TRIM36: variants seen among roughly 807,000 people sequenced by gnomAD.
TRIM36 encodes tripartite motif containing 36, also known as E3 ubiquitin-protein ligase TRIM36.
Under a neutral mutation model 72.4 loss-of-function variants are expected in TRIM36, and 42 were observed. The ratio of observed to expected loss-of-function variants is 0.58; its 90% confidence interval spans 0.45 to 0.75. The LOEUF (loss-of-function observed/expected upper bound fraction) is 0.75. TRIM36 is among the 30% of genes least tolerant of loss of function. TRIM36 has a pLI of 0.00. For missense variants in TRIM36, 913 were observed against 857.1 expected (o/e 1.07, Z -0.81); for synonymous variants, 315 against 282.8 (o/e 1.11, Z -1.14).
intron 1 of TRIM36, chr5:115,179,854 C>G: frequency 1.1e-6 from 1 of 940,494 alleles, no homozygotes; most frequent in Non-Finnish European, 1.6e-6. Context: ...GAGCGCGGCT[C>G]CTGGATTCCA....
intron 1 of TRIM36, among the ~76,000 whole-genome samples, chr5:115,169,339 C>A (rs995660051): frequency 6.6e-6 from 1 of 152,252 alleles, no homozygotes; most frequent in Non-Finnish European, 1.5e-5. Flanking sequence ...CATGATTCCC[C>A]CGAGGTGCTC....
chr5:115,170,409 G>C (rs1755051172), upstream of TRIM36, among the ~76,000 whole-genome samples: 1 of 152,172 alleles, frequency 6.6e-6, no homozygotes, highest in African/African-American at 2.4e-5. Context: ...GACGGTGCGG[G>C]CGAGGGCGAG....
chr5:115,129,818 T>C (rs1043225346), intron 9 of TRIM36, among the ~76,000 whole-genome samples: 2 of 152,196 alleles, frequency 1.3e-5, no homozygotes, highest in Non-Finnish European at 2.9e-5. Flanking sequence ...TTTTTCAATA[T>C]GCCTATGTTG....
intron 4 of TRIM36, among the ~76,000 whole-genome samples, chr5:115,144,037 AT>A (rs371373270): frequency 7.3e-5 from 11 of 149,670 alleles, no homozygotes; most frequent in African/African-American, 2.5e-4. Flanking sequence ...TGCCCAGCTA[AT>A]TTTTTTTTTG....
intron 2 of TRIM36, among the ~76,000 whole-genome samples, chr5:115,160,580 G>C (rs529657808): frequency 6.6e-6 from 1 of 152,286 alleles, no homozygotes; most frequent in African/African-American, 2.4e-5. Context: ...AATAACGCCT[G>C]TAATCCCAGC....
chr5:115,126,991 C>G (rs1222821885), intron 9 of TRIM36, 134 bp from the exon 10 acceptor site: 3 of 921,292 alleles, frequency 3.3e-6, no homozygotes, highest in South Asian at 2.1e-5. Context: ...AAAACAAAAT[C>G]AAAAACATAA....
chr5:115,163,018 C>T lies in TRIM36; in HGVS notation c.262+500G>A, dbSNP rs180953996. Among the ~76,000 whole-genome samples, 254 of 150,300 alleles carry T rather than the reference C, an allele frequency of 1.7e-3. 2 individuals are homozygous for T. The highest frequency in any genetic ancestry group is 5.9e-3 in the African/African-American group (241 of 40,764). Reference sequence around the variant, plus strand: ...TGTTGCCCAGGCTGGAGTGCAATGGCGCGATCTCGGCTCACTGCAACCTCC... The same window carrying T: ...TGTTGCCCAGGCTGGAGTGCAATGGTGCGATCTCGGCTCACTGCAACCTCC... On this transcript the variant is annotated intron_variant, in intron 2 of 9. Transcript: ENST00000513154.
intron 4 of TRIM36, among the ~76,000 whole-genome samples, chr5:115,142,274 C>A (rs899633629): frequency 6.6e-6 from 1 of 152,074 alleles, no homozygotes; most frequent in African/African-American, 2.4e-5. Flanking sequence ...CTGAGAGGTA[C>A]GTCTCAGCAC....
At chr5:115,159,835 A>T (rs1365052416) in intron 2 of TRIM36, among the ~76,000 whole-genome samples, 5 of 152,232 alleles carry the variant, frequency 3.3e-5, no homozygotes, top group Non-Finnish European at 5.9e-5. Context: ...TTATGAAGCC[A>T]GGAGCATAAA....
At chr5:115,132,778 C>T (rs1057246971) in intron 8 of TRIM36, among the ~76,000 whole-genome samples, 30 of 152,152 alleles carry the variant, frequency 2.0e-4, no homozygotes, top group African/African-American at 7.2e-4. Context: ...CCTTCCCCTC[C>T]ACTATGTGAC....
intron 2 of TRIM36, among the ~76,000 whole-genome samples, chr5:115,147,995 C>T (rs1170850828): frequency 6.6e-6 from 1 of 152,168 alleles, no homozygotes; most frequent in African/African-American, 2.4e-5. Flanking sequence ...TTTTTAACAA[C>T]ACTACAATAG....
rs753284173 is a variant in TRIM36, at chr5:115,130,762, C to G, written c.1626G>C (p.Val542=). The G allele has an allele frequency of 1.1e-5, 17 of 1,613,978 alleles. No individual in the cohort carries two copies. In the African/African-American group the frequency reaches 2.1e-4, roughly 20 times the overall value. The change falls in exon 9 of 10, where the codon GTG becomes GTC. Residue 542 remains valine, a synonymous_variant. Coordinates refer to ENST00000513154, the MANE Select transcript of TRIM36 (RefSeq NM_001300759.2). ...NLLLAAERIQ[V]GYYTSLDYII... is the part of the protein sequence containing the mutation. ...TGTAGTCTAAGCTTGTGTAATAACCCACTTGGATGCGTTCTGCAGCAAGCA... is the reference window on the plus strand; with the variant it reads ...TGTAGTCTAAGCTTGTGTAATAACCGACTTGGATGCGTTCTGCAGCAAGCA...
intron 7 of TRIM36, among the ~76,000 whole-genome samples, chr5:115,135,398 TA>T (rs1016243205): frequency 8.0e-5 from 12 of 150,874 alleles, no homozygotes; most frequent in Non-Finnish European, 1.3e-4. Context: ...TTTTAAAATT[TA>T]AAAAAAAAGT....
chr5:115,168,291 A>G (rs1038230898), intron 1 of TRIM36, among the ~76,000 whole-genome samples: 1 of 152,192 alleles, frequency 6.6e-6, no homozygotes. Flanking sequence ...GACTCATCAC[A>G]ACTAAAAAAG....
At chr5:115,151,153 C>G (rs1053150907) in intron 2 of TRIM36, among the ~76,000 whole-genome samples, 2 of 152,202 alleles carry the variant, frequency 1.3e-5, no homozygotes, top group Non-Finnish European at 2.9e-5. Flanking sequence ...GCCCTGCTCA[C>G]CCACTGCCTG....
chr5:115,175,246 A>G (rs774794661), intron 1 of TRIM36, among the ~76,000 whole-genome samples: 9 of 152,130 alleles, frequency 5.9e-5, no homozygotes, highest in Non-Finnish European at 1.3e-4. Flanking sequence ...AATGATCACA[A>G]TGTGGATATA....
At chr5:115,132,526 A>G (rs1752745191) in intron 8 of TRIM36, among the ~76,000 whole-genome samples, 1 of 147,278 alleles carries the variant, frequency 6.8e-6, no homozygotes, top group African/African-American at 2.5e-5. Context: ...CCTGGGTGAC[A>G]GAGCCAGACT....
intron 5 of TRIM36, among the ~76,000 whole-genome samples, chr5:115,140,163 GTTAA>G (rs1470510907): frequency 3.9e-5 from 6 of 152,168 alleles, no homozygotes; most frequent in African/African-American, 1.4e-4. Context: ...TGGTAGTGGT[GTTAA>G]TTTTCGTGAT....
intron 2 of TRIM36, chr5:115,159,804 T>C: frequency 2.6e-6 from 1 of 382,494 alleles, no homozygotes; most frequent in South Asian, 2.0e-5. Context: ...AAAAATGTGT[T>C]TTTCCTGGTA....
Sources: allele counts gnomAD v4.1 joint callset (sites outside exome capture counted in the v4.1 genomes callset), GRCh38; gene constraint gnomAD v4.1.1; transcripts MANE v1.5; gene names NCBI Gene and HGNC (gene_info 2026-07-23, HGNC 2026-07-21).